The following LHFPL3 variants were observed in gnomAD, a reference collection of about 807,000 sequenced individuals.
The protein encoded by LHFPL3 is LHFPL tetraspan subfamily member 3 protein.
Under a neutral mutation model 19.3 loss-of-function variants are expected in LHFPL3, and 5 were observed. The observed-to-expected ratio is 0.26, with a 90% CI of 0.14 to 0.54. The LOEUF (loss-of-function observed/expected upper bound fraction) is 0.54. Among genes scored for constraint, LHFPL3 ranks in the 20% least tolerant of loss-of-function variants. LHFPL3 has a pLI of 0.94. For missense variants in LHFPL3, 249 were observed against 307.4 expected, an observed-to-expected ratio of 0.81 and a Z score of 1.42; for synonymous variants, 133 against 126.2, an observed-to-expected ratio of 1.05 and a Z score of -0.36.
At chr7:104,699,186 T>C (rs1468969344) in intron 1 of LHFPL3, among the ~76,000 whole-genome samples, 1 of 152,230 alleles carries the variant, frequency 6.6e-6, no homozygotes, top group Non-Finnish European at 1.5e-5. Context: ...AATACACTTC[T>C]GGGTATGTAT....
rs180753399 is a variant in LHFPL3 at position 104,464,189 on chromosome 7, G to A, written c.445+134965G>A. 7.2e-4 allele frequency among the ~76,000 whole-genome samples: 110 copies of A among 152,300 alleles called. 4 individuals carry two copies. Among genetic ancestry groups the A allele is most frequent in the Non-Finnish European group, 7.4e-5 (5 of 68,018 alleles). ...CTTAAAGTTCTAAAATAATCTTTTT[G>A]ACTCCTTGTCTCACGCCCGGGTCAC... On this transcript the variant is annotated intron_variant, in intron 1 of 2. Coordinates refer to ENST00000424859, the MANE Select transcript of LHFPL3 (RefSeq NM_199000.3).
intron 1 of LHFPL3, among the ~76,000 whole-genome samples, chr7:104,384,685 G>T (rs905275532): frequency 1.3e-5 from 2 of 151,526 alleles, no homozygotes; most frequent in African/African-American, 4.9e-5. Flanking sequence ...TACTTGGGAG[G>T]CTGAGGCAGG....
At chr7:104,767,330 C>T (rs1281229764) in intron 2 of LHFPL3, among the ~76,000 whole-genome samples, 2 of 152,174 alleles carry the variant, frequency 1.3e-5, no homozygotes, top group Admixed American at 1.3e-4. Flanking sequence ...AGAGGATCTG[C>T]AAACCCAGAG....
chr7:104,891,826 T>A, intron 2 of LHFPL3, among the ~76,000 whole-genome samples: 1 of 152,118 alleles, frequency 6.6e-6, no homozygotes, highest in East Asian at 1.9e-4. Context: ...ACAAGAATAA[T>A]GAAAAGAGAT....
At chr7:104,614,680 C>CTTCCTTCCTTCTTTCTTTCT (rs767634683) in intron 1 of LHFPL3, among the ~76,000 whole-genome samples, 4 of 94,496 alleles carry the variant, frequency 4.2e-5, no homozygotes, top group Non-Finnish European at 8.8e-5. Context: ...TCCTTCCTTC[C>CTTCCTTCCTTCTTTCTTTCT]TTCTTTCTTT....
At chr7:104,439,503 C>T (rs1222200717) in intron 1 of LHFPL3, among the ~76,000 whole-genome samples, 1 of 152,000 alleles carries the variant, frequency 6.6e-6, no homozygotes, top group Non-Finnish European at 1.5e-5. Context: ...ATTTAAAAAT[C>T]ATACAATGTA....
intron 2 of LHFPL3, among the ~76,000 whole-genome samples, chr7:104,781,541 A>G (rs1474737296): frequency 1.3e-5 from 2 of 151,970 alleles, no homozygotes; most frequent in African/African-American, 4.8e-5. Context: ...TTTTCCCAAC[A>G]TCACTGAAAT....
intron 2 of LHFPL3, among the ~76,000 whole-genome samples, chr7:104,899,104 A>AATATATATAT (rs34311079): frequency 1.4e-3 from 207 of 148,624 alleles, no homozygotes; most frequent in African/African-American, 4.8e-3. Flanking sequence ...CCCCATCTCT[A>AATATATATAT]ATATATATAT....
At chr7:104,344,144 TTGA>T (rs1386359456) in intron 1 of LHFPL3, among the ~76,000 whole-genome samples, 11 of 152,154 alleles carry the variant, frequency 7.2e-5, no homozygotes, top group Non-Finnish European at 1.5e-4. Context: ...TTAATATATA[TTGA>T]TAAGATAATT....
At chr7:104,593,032 A>G (rs1052762140) in intron 1 of LHFPL3, among the ~76,000 whole-genome samples, 15 of 151,956 alleles carry the variant, frequency 9.9e-5, no homozygotes, top group African/African-American at 3.6e-4. Context: ...TTGTGTCTCT[A>G]TTTCCTTCAG....
chr7:104,446,362 C>T lies in LHFPL3; in HGVS notation c.445+117138C>T, dbSNP rs149498849. ...TTGTTACAGAACACACTCCTTCAAC[C>T]TAGCATTGTTCTTTTCCAGTAGCTC... is the stretch of plus-strand genomic sequence containing the variant. On this transcript the variant is annotated intron_variant, in intron 1 of 2. Coordinates refer to ENST00000424859, the MANE Select transcript of LHFPL3 (RefSeq NM_199000.3). 2.1e-3 allele frequency among the ~76,000 whole-genome samples: 326 copies of T among 152,266 alleles called. 1 individual carries two copies. The highest frequency in any genetic ancestry group is 7.6e-3 in the African/African-American group (315 of 41,536).
In LHFPL3 at chr7:104,546,958, C is replaced by T. The variant is rs554091762; in HGVS notation, c.446-189717C>T. ...CTCTTAAGAAATAGTAGCTCAAGGC[C>T]GGGCGCGGTGGCTCACGCCTGTAAT... is the stretch of plus-strand genomic sequence containing the variant. On this transcript the variant is annotated intron_variant, in intron 1 of 2. Transcript: ENST00000424859. 2.7e-4 allele frequency among the ~76,000 whole-genome samples: 7 copies of T among 25,704 alleles called. 3 individuals carry two copies. The highest frequency in any genetic ancestry group is 4.0e-4 in the Non-Finnish European group (4 of 9,884). The allele number at this position is 25,704 out of a possible 152,430, so 16.9% of individuals were successfully genotyped here. A position where few individuals can be genotyped will look rare whatever the true frequency, so the allele number is the denominator to read the frequency against.
intron 1 of LHFPL3, among the ~76,000 whole-genome samples, chr7:104,430,405 C>CGTGTGTAT (rs1554393164): frequency 4.5e-5 from 1 of 22,456 alleles, no homozygotes; most frequent in African/African-American, 1.9e-4. Flanking sequence ...TATATATATA[C>CGTGTGTAT]ATATATATAT....
At chr7:104,423,524 C>T (rs558082526) in intron 1 of LHFPL3, among the ~76,000 whole-genome samples, 6 of 152,122 alleles carry the variant, frequency 3.9e-5, no homozygotes, top group Admixed American at 2.6e-4. Flanking sequence ...CAGAATTTCT[C>T]ACCCATGCCT....
intron 1 of LHFPL3, among the ~76,000 whole-genome samples, chr7:104,487,316 A>C (rs76444974): frequency 3.9e-5 from 6 of 152,362 alleles, no homozygotes; most frequent in Admixed American, 2.6e-4. Context: ...CATACAGTTA[A>C]GAAAAATTAG....
intron 1 of LHFPL3, among the ~76,000 whole-genome samples, chr7:104,384,820 A>T (rs1325208547): frequency 1.3e-5 from 2 of 151,388 alleles, no homozygotes; most frequent in South Asian, 2.1e-4. Context: ...AAGAAGAATG[A>T]ATATATCAAA....
At chr7:104,781,567 C>A (rs1297785558) in intron 2 of LHFPL3, among the ~76,000 whole-genome samples, 1 of 152,132 alleles carries the variant, frequency 6.6e-6, no homozygotes, top group African/African-American at 2.4e-5. Flanking sequence ...CATCTACTAA[C>A]TGTAAAATAA....
chr7:104,505,652 T>G (rs1246345543), intron 1 of LHFPL3, among the ~76,000 whole-genome samples: 2 of 152,172 alleles, frequency 1.3e-5, no homozygotes. Flanking sequence ...GAAAACATAT[T>G]TATATGTCGA....
intron 1 of LHFPL3, among the ~76,000 whole-genome samples, chr7:104,409,894 G>A (rs1486661767): frequency 1.3e-5 from 2 of 151,808 alleles, no homozygotes; most frequent in Non-Finnish European, 2.9e-5. Context: ...TTGCTCTCCT[G>A]CCCACTTTGC....
Sources: gnomAD v4.1 joint callset for allele counts (sites outside exome capture counted in the v4.1 genomes callset) on GRCh38, gnomAD v4.1.1 for gene constraint, MANE v1.5 for transcripts, NCBI Gene and HGNC (gene_info 2026-07-23, HGNC 2026-07-21) for gene names.